Variants in LDB2 observed in about 807,000 individuals in gnomAD.
The protein encoded by LDB2 is LIM domain-binding protein 2.
Under a neutral mutation model 44.3 loss-of-function variants are expected in LDB2, and 12 were observed. The ratio of observed to expected loss-of-function variants is 0.27; its 90% confidence interval spans 0.17 to 0.44. The LOEUF (loss-of-function observed/expected upper bound fraction) is 0.44, where lower values mean the gene tolerates loss of function less well. Ranked by LOEUF, LDB2 falls within the 20% of genes least tolerant of loss-of-function variation. The pLI, the probability that LDB2 is intolerant of heterozygous loss-of-function variation, is 1.00. For synonymous variants in LDB2, 164 were observed against 174.8 expected, an observed-to-expected ratio of 0.94 and a Z score of 0.49; for missense variants, 344 against 473.5, an observed-to-expected ratio of 0.73 and a Z score of 2.54.
At chr4:16,783,340 C>A (rs1773707372) in intron 1 of LDB2, among the ~76,000 whole-genome samples, 1 of 152,226 alleles carries the variant, frequency 6.6e-6, no homozygotes, top group African/African-American at 2.4e-5. Context: ...GAAGGGGGAG[C>A]CCCATGGATG....
intron 5 of LDB2, among the ~76,000 whole-genome samples, chr4:16,568,004 G>A (rs180881021): frequency 6.6e-6 from 1 of 152,218 alleles, no homozygotes; most frequent in Admixed American, 6.5e-5. Context: ...GAAAATCATA[G>A]AACCAAGTGG....
chr4:16,812,998 CT>C (rs543496196), intron 1 of LDB2, among the ~76,000 whole-genome samples: 3,692 of 149,294 alleles, frequency 0.025, 167 homozygotes, highest in African/African-American at 0.085. Context: ...TCAGTTTACT[CT>C]TTTTTTTTTC....
chr4:16,504,015 C>T (rs1349484781), intron 7 of LDB2, among the ~76,000 whole-genome samples: 1 of 152,170 alleles, frequency 6.6e-6, no homozygotes, highest in Non-Finnish European at 1.5e-5. Flanking sequence ...CTGAGCAATA[C>T]TCCACTTAAA....
chr4:16,751,361 A>G (rs1311543511), intron 2 of LDB2, among the ~76,000 whole-genome samples: 3 of 152,208 alleles, frequency 2.0e-5, no homozygotes, highest in East Asian at 3.8e-4. Flanking sequence ...AATTCATTCA[A>G]AGCACTTTTC....
At chr4:16,857,274 G>A (rs1055574991) in intron 1 of LDB2, among the ~76,000 whole-genome samples, 1 of 152,114 alleles carries the variant, frequency 6.6e-6, no homozygotes, top group Non-Finnish European at 1.5e-5. Context: ...GGAATCTTAC[G>A]TGCCCTTTTT....
intron 5 of LDB2, among the ~76,000 whole-genome samples, chr4:16,542,896 G>T (rs1028237809): frequency 2.6e-5 from 4 of 151,184 alleles, no homozygotes; most frequent in African/African-American, 9.7e-5. Flanking sequence ...TTTATATTAG[G>T]TATATCTCCT....
At chr4:16,769,173 A>T (rs373134433) in intron 1 of LDB2, among the ~76,000 whole-genome samples, 23 of 152,224 alleles carry the variant, frequency 1.5e-4, no homozygotes, top group African/African-American at 5.1e-4. Flanking sequence ...CACACAAATA[A>T]AAGTAATAAG....
intron 5 of LDB2, among the ~76,000 whole-genome samples, chr4:16,539,561 A>C (rs895361086): frequency 1.3e-5 from 2 of 152,202 alleles, no homozygotes; most frequent in African/African-American, 4.8e-5. Context: ...ACACATCCGC[A>C]TACACCAGGG....
chr4:16,809,218 A>G (rs1779322675), intron 1 of LDB2, among the ~76,000 whole-genome samples: 1 of 152,196 alleles, frequency 6.6e-6, no homozygotes. Flanking sequence ...ATGCTACATA[A>G]CAGATATTGA....
intron 1 of LDB2, among the ~76,000 whole-genome samples, chr4:16,851,042 G>A (rs1241573289): frequency 2.7e-5 from 4 of 150,298 alleles, no homozygotes; most frequent in Admixed American, 1.3e-4. Flanking sequence ...TGTTCAGAAG[G>A]GCTATCTAGA....
chr4:16,733,559 G>A (rs915634031), intron 2 of LDB2, among the ~76,000 whole-genome samples: 3 of 152,162 alleles, frequency 2.0e-5, no homozygotes, highest in Non-Finnish European at 4.4e-5. Context: ...CTACAACTTG[G>A]GGGTTCATGT....
At chr4:16,852,732 T>G (rs941514160) in intron 1 of LDB2, among the ~76,000 whole-genome samples, 1 of 152,180 alleles carries the variant, frequency 6.6e-6, no homozygotes, top group Non-Finnish European at 1.5e-5. Flanking sequence ...CTTTTGGGAC[T>G]AAAAACTTTA....
chr4:16,604,929 A>G (rs959317373), intron 2 of LDB2, among the ~76,000 whole-genome samples: 1 of 152,134 alleles, frequency 6.6e-6, no homozygotes, highest in Admixed American at 6.5e-5. Context: ...CATTCCTTTC[A>G]CAAATGTCAG....
At chr4:16,742,339 G>C (rs370945641) in intron 2 of LDB2, among the ~76,000 whole-genome samples, 33 of 151,968 alleles carry the variant, frequency 2.2e-4, no homozygotes, top group African/African-American at 8.0e-4. Context: ...CAAAGTGCTG[G>C]GATTACAGGC....
chr4:16,640,847 A>G (rs1734931116), intron 2 of LDB2, among the ~76,000 whole-genome samples: 1 of 152,220 alleles, frequency 6.6e-6, no homozygotes, highest in African/African-American at 2.4e-5. Context: ...CTTAGATCTA[A>G]GATTTCTATT....
chr4:16,549,608 G>C (rs1330796764), intron 5 of LDB2, among the ~76,000 whole-genome samples: 1 of 152,050 alleles, frequency 6.6e-6, no homozygotes, highest in African/African-American at 2.4e-5. Flanking sequence ...CACAGCAGTG[G>C]GGCCTTCCTG....
intron 5 of LDB2, among the ~76,000 whole-genome samples, chr4:16,541,423 A>G (rs1262367189): frequency 6.6e-6 from 1 of 152,158 alleles, no homozygotes; most frequent in Non-Finnish European, 1.5e-5. Context: ...GCAGATGCCA[A>G]CACTATGTTT....
intron 1 of LDB2, among the ~76,000 whole-genome samples, chr4:16,795,691 ATTTG>A (rs1381005162): frequency 1.3e-5 from 2 of 152,104 alleles, no homozygotes; most frequent in East Asian, 1.9e-4. Context: ...CTGATCTGTA[ATTTG>A]TTTGTCTTTC....
At chr4:16,843,678 A>G (rs1786343053) in intron 1 of LDB2, among the ~76,000 whole-genome samples, 1 of 151,954 alleles carries the variant, frequency 6.6e-6, no homozygotes, top group Non-Finnish European at 1.5e-5. Context: ...CTGGGGTGCA[A>G]TGGCACGACC....
Sources: gnomAD v4.1 joint callset for allele counts (sites outside exome capture counted in the v4.1 genomes callset) on GRCh38, gnomAD v4.1.1 for gene constraint, MANE v1.5 for transcripts, NCBI Gene and HGNC (gene_info 2026-07-23, HGNC 2026-07-21) for gene names.